Variants in PXDNL observed in about 807,000 individuals in gnomAD.
PXDNL encodes the protein peroxidasin like.
PXDNL carries 145 observed loss-of-function variants against 150.8 expected under a neutral mutation model. That is an observed-to-expected ratio of 0.96 (90% CI 0.84 to 1.10). The LOEUF (loss-of-function observed/expected upper bound fraction) is 1.10. PXDNL is among the 50% of genes least tolerant of loss of function. The pLI is 0.00. For missense variants in PXDNL, 2,087 were observed against 1,873.9 expected (o/e 1.11, Z -2.10); for synonymous variants, 757 against 725.7 (o/e 1.04, Z -0.69).
chr8:51,341,706 A>G (rs1805988639), intron 20 of PXDNL, among the ~76,000 whole-genome samples: 1 of 152,240 alleles, frequency 6.6e-6, no homozygotes, highest in Admixed American at 6.5e-5. Flanking sequence ...AAACAGAATC[A>G]TGCAATATCT....
chr8:51,716,383 A>T (rs1361090613), intron 1 of PXDNL, among the ~76,000 whole-genome samples: 1 of 152,212 alleles, frequency 6.6e-6, no homozygotes, highest in African/African-American at 2.4e-5. Context: ...ACAACACATA[A>T]ATTCCCCTTT....
At chr8:51,535,844 T>C (rs1015104689) in intron 4 of PXDNL, among the ~76,000 whole-genome samples, 10 of 152,246 alleles carry the variant, frequency 6.6e-5, no homozygotes, top group Non-Finnish European at 1.5e-4. Context: ...AAAAGAATAT[T>C]CCTTAGTCCT....
At chr8:51,784,979 A>T (rs548315259) in intron 1 of PXDNL, among the ~76,000 whole-genome samples, 2 of 152,318 alleles carry the variant, frequency 1.3e-5, no homozygotes, top group South Asian at 4.1e-4. Flanking sequence ...TGCTTCTATG[A>T]TCATAAAATT....
chr8:51,349,731 T>C (rs761948093), intron 19 of PXDNL, among the ~76,000 whole-genome samples: 11 of 152,324 alleles, frequency 7.2e-5, no homozygotes, highest in East Asian at 1.9e-4. Flanking sequence ...GTTTGGGAGA[T>C]TGAGCTACAG....
chr8:51,567,740 G>A (rs186478287), intron 3 of PXDNL, among the ~76,000 whole-genome samples: 23 of 151,684 alleles, frequency 1.5e-4, no homozygotes, highest in Admixed American at 1.1e-3. Context: ...TTGGTTTCAG[G>A]ACCTCTCGAG....
At chr8:51,553,750 A>G (rs913646945) in intron 4 of PXDNL, among the ~76,000 whole-genome samples, 1 of 104,702 alleles carries the variant, frequency 9.6e-6, no homozygotes, top group Non-Finnish European at 1.8e-5. Flanking sequence ...TTATATATAT[A>G]TATATATATA....
At chr8:51,604,519 G>A (rs1813799589) in intron 2 of PXDNL, among the ~76,000 whole-genome samples, 2 of 152,150 alleles carry the variant, frequency 1.3e-5, no homozygotes, top group African/African-American at 4.8e-5. Flanking sequence ...GGAGTGGGGA[G>A]GGATAGCATT....
At chr8:51,503,125 A>G (rs1811222156) in intron 4 of PXDNL, among the ~76,000 whole-genome samples, 1 of 152,028 alleles carries the variant, frequency 6.6e-6, no homozygotes, top group African/African-American at 2.4e-5. Context: ...TCCCCATTCC[A>G]GCCATGCTTC....
intron 12 of PXDNL, among the ~76,000 whole-genome samples, chr8:51,440,089 T>C (rs1029350732): frequency 2.6e-5 from 4 of 151,774 alleles, no homozygotes; most frequent in Non-Finnish European, 5.9e-5. Context: ...CATGGAATAC[T>C]ACTCAGCCAT....
chr8:51,359,408 C>T (rs1806640227), intron 19 of PXDNL, among the ~76,000 whole-genome samples: 1 of 152,104 alleles, frequency 6.6e-6, no homozygotes, highest in South Asian at 2.1e-4. Context: ...AGGTTGATCT[C>T]TGTTGAGACT....
At chr8:51,572,612 C>G in intron 3 of PXDNL, among the ~76,000 whole-genome samples, 1 of 151,700 alleles carries the variant, frequency 6.6e-6, no homozygotes, top group Non-Finnish European at 1.5e-5. Flanking sequence ...TGAAAAAATT[C>G]TAGAAATGGA....
intron 4 of PXDNL, among the ~76,000 whole-genome samples, chr8:51,556,162 C>T (rs905457715): frequency 7.9e-5 from 12 of 151,996 alleles, no homozygotes; most frequent in Non-Finnish European, 1.5e-4. Context: ...ATCCCAGCTA[C>T]TTGGGGGGCT....
At chr8:51,354,154 C>A (rs1806435683) in intron 19 of PXDNL, among the ~76,000 whole-genome samples, 1 of 151,976 alleles carries the variant, frequency 6.6e-6, no homozygotes, top group Non-Finnish European at 1.5e-5. Context: ...AAATATTTTG[C>A]CTTTTATGGG....
intron 17 of PXDNL, among the ~76,000 whole-genome samples, chr8:51,400,803 G>T (rs963355306): frequency 3.9e-5 from 6 of 152,176 alleles, no homozygotes; most frequent in African/African-American, 1.2e-4. Context: ...TTGTACAAAA[G>T]ATTATAATAC....
At chr8:51,468,451 ATTTG>A (rs1255649735) in intron 8 of PXDNL, among the ~76,000 whole-genome samples, 1 of 151,660 alleles carries the variant, frequency 6.6e-6, no homozygotes, top group African/African-American at 2.4e-5. Flanking sequence ...TGGTTGATAT[ATTTG>A]TTTACCTATC....
intron 1 of PXDNL, among the ~76,000 whole-genome samples, chr8:51,804,088 T>C (rs1248625530): frequency 6.6e-6 from 1 of 152,218 alleles, no homozygotes; most frequent in African/African-American, 2.4e-5. Context: ...AATTCGGTTT[T>C]ATACATTTTA....
At position 51,495,552 on chromosome 8, in the gene PXDNL, AAG is replaced by A. The variant is rs1447826754; in HGVS notation, c.452+4145_452+4146del. 3.3e-5 allele frequency among the ~76,000 whole-genome samples: 5 copies of A among 152,322 alleles called. No individual in the cohort carries two copies. The East Asian group carries it at 7.7e-4, about 23-fold the overall frequency. On this transcript the variant is annotated intron_variant, in intron 5 of 22. Coordinates refer to ENST00000356297, the MANE Select transcript of PXDNL (RefSeq NM_144651.5). ...CGCTAGCAAGACTAATAAAGAAGAA[AAG>A]AGAGAAGAATCAAATAGATGCAATA...
intron 4 of PXDNL, among the ~76,000 whole-genome samples, chr8:51,513,622 A>G (rs187300750): frequency 8.7e-4 from 132 of 152,376 alleles, no homozygotes; most frequent in Non-Finnish European, 3.4e-4. Flanking sequence ...AACATTTTCT[A>G]TAAATATATT....
At chr8:51,620,723 C>T (rs188511235) in intron 2 of PXDNL, among the ~76,000 whole-genome samples, 1 of 151,452 alleles carries the variant, frequency 6.6e-6, no homozygotes, top group African/African-American at 2.4e-5. Context: ...TTTTTTTGTA[C>T]TTTAGTAGAG....
Sources: allele counts gnomAD v4.1 joint callset (sites outside exome capture counted in the v4.1 genomes callset), GRCh38; gene constraint gnomAD v4.1.1; transcripts MANE v1.5; gene names NCBI Gene and HGNC (gene_info 2026-07-23, HGNC 2026-07-21).